The following RPRD1A variants were observed in gnomAD, a reference collection of about 807,000 sequenced individuals.
RPRD1A encodes regulation of nuclear pre-mRNA domain containing 1A.
RPRD1A carries 9 observed loss-of-function variants against 37.8 expected under a neutral mutation model. The ratio of observed to expected loss-of-function variants is 0.24; its 90% CI spans 0.14 to 0.42. The LOEUF (loss-of-function observed/expected upper bound fraction) is 0.42, where lower values mean the gene tolerates loss of function less well. RPRD1A is among the 10% of genes least tolerant of loss of function. The pLI is 1.00. For synonymous variants in RPRD1A, 138 were observed against 139.7 expected (o/e 0.99, Z 0.08); for missense variants, 255 against 371.0 (o/e 0.69, Z 2.57).
At chr18:36,012,114 C>T (rs970183089) in intron 6 of RPRD1A, among the ~76,000 whole-genome samples, 16 of 152,030 alleles carry the variant, frequency 1.1e-4, no homozygotes, top group Admixed American at 4.6e-4. Flanking sequence ...ACATTTTGGC[C>T]AACAATGGAC....
chr18:36,060,029 G>A (rs2088874078), intron 1 of RPRD1A, among the ~76,000 whole-genome samples: 1 of 152,146 alleles, frequency 6.6e-6, no homozygotes, highest in South Asian at 2.1e-4. Context: ...CTCTGAAAGA[G>A]AAACAAGTAA....
intron 6 of RPRD1A, among the ~76,000 whole-genome samples, chr18:36,009,108 T>G (rs1017487246): frequency 2.0e-5 from 3 of 152,146 alleles, no homozygotes; most frequent in Non-Finnish European, 4.4e-5. Context: ...CTTTGAGCTT[T>G]CTTTCTTATG....
chr18:36,005,856 CT>C (rs1413098189), intron 6 of RPRD1A, among the ~76,000 whole-genome samples: 1 of 151,818 alleles, frequency 6.6e-6, no homozygotes, highest in South Asian at 2.1e-4. Context: ...GTGTTTTTTT[CT>C]TTTTTTTACA....
At chr18:36,002,782 T>C (rs1909506206) in intron 6 of RPRD1A, among the ~76,000 whole-genome samples, 1 of 152,256 alleles carries the variant, frequency 6.6e-6, no homozygotes. Context: ...TGTAATTTCT[T>C]ATTGAAACCC....
Position 36,019,438 on chromosome 18 carries a change from G to C in RPRD1A, c.789+7462C>G, listed in dbSNP as rs575804250. Among the ~76,000 whole-genome samples, 3 of 152,130 alleles carry C rather than the reference G, an allele frequency of 2.0e-5. No individual in the cohort carries two copies. In the South Asian group the frequency reaches 6.2e-4, roughly 32 times the overall value. On this transcript the variant is annotated intron_variant, in intron 6 of 6. Coordinates refer to ENST00000399022, the MANE Select transcript of RPRD1A (RefSeq NM_018170.5). ...TGAGTTTCTAAAGAGGAGTGTGATG[G>C]GATCTGATTTCTTAAAAGATCCATA...
intron 4 of RPRD1A, among the ~76,000 whole-genome samples, chr18:36,030,475 T>C (rs1322504271): frequency 6.6e-6 from 1 of 151,348 alleles, no homozygotes; most frequent in African/African-American, 2.4e-5. Context: ...AGAGTGAAAC[T>C]CCGTCTCAAA....
intron 1 of RPRD1A, among the ~76,000 whole-genome samples, chr18:36,061,598 AT>A (rs1190481135): frequency 6.6e-6 from 1 of 152,262 alleles, no homozygotes; most frequent in Non-Finnish European, 1.5e-5. Flanking sequence ...AGAAATGAAT[AT>A]AAATTAATGA....
At chr18:36,047,632 T>C (rs1230034653) in intron 1 of RPRD1A, among the ~76,000 whole-genome samples, 1 of 151,998 alleles carries the variant, frequency 6.6e-6, no homozygotes, top group Non-Finnish European at 1.5e-5. Context: ...ATATCAGGAA[T>C]AAAACAGGAT....
In RPRD1A at chr18:36,033,389, C is replaced by T. The variant is rs1911953707; in HGVS notation, c.281+319G>A. Among the ~76,000 whole-genome samples the T allele has an allele frequency of 2.7e-5, 4 of 147,116 alleles. No individual in the cohort carries two copies. In the South Asian group the frequency reaches 8.7e-4, roughly 32 times the overall value. Reference sequence around the variant, plus strand: ...TACAAGACTGATAGCTTTATAAACACACAAATTTTTACTTCAATACCTTCA... The same window carrying T: ...TACAAGACTGATAGCTTTATAAACATACAAATTTTTACTTCAATACCTTCA... On this transcript the variant is annotated intron_variant, in intron 2 of 6. Transcript: ENST00000399022.
At chr18:36,059,996 T>C (rs1327024065) in intron 1 of RPRD1A, among the ~76,000 whole-genome samples, 1 of 152,208 alleles carries the variant, frequency 6.6e-6, no homozygotes, top group African/African-American at 2.4e-5. Flanking sequence ...GCTAGCATTG[T>C]CTACTTACTT....
At chr18:36,063,736 A>C (rs763937883) in intron 1 of RPRD1A, among the ~76,000 whole-genome samples, 38 of 152,338 alleles carry the variant, frequency 2.5e-4, no homozygotes, top group Non-Finnish European at 4.6e-4. Context: ...AGAATCCTGA[A>C]GTTGATGAGC....
At chr18:36,049,585 T>G (rs1913221974) in intron 1 of RPRD1A, among the ~76,000 whole-genome samples, 1 of 152,244 alleles carries the variant, frequency 6.6e-6, no homozygotes, top group Non-Finnish European at 1.5e-5. Flanking sequence ...TGTGACTAGT[T>G]TAATTCACTT....
intron 1 of RPRD1A, among the ~76,000 whole-genome samples, chr18:36,035,315 C>CGG (rs1568136469): frequency 6.6e-6 from 1 of 152,022 alleles, no homozygotes; most frequent in Non-Finnish European, 1.5e-5. Context: ...CCTGAACAAA[C>CGG]AATCCTTTCA....
At chr18:36,007,301 T>A (rs1909803830) in intron 6 of RPRD1A, among the ~76,000 whole-genome samples, 2 of 152,180 alleles carry the variant, frequency 1.3e-5, no homozygotes, top group African/African-American at 4.8e-5. Context: ...GGCGTTACAG[T>A]CAGAATTTCA....
At chr18:36,010,305 TA>T (rs201801218) in intron 6 of RPRD1A, among the ~76,000 whole-genome samples, 1 of 150,672 alleles carries the variant, frequency 6.6e-6, no homozygotes, top group Non-Finnish European at 1.5e-5. Context: ...CTTGTCTCTA[TA>T]AAAAAAATAA....
chr18:36,039,190 A>C (rs969587086), intron 1 of RPRD1A, among the ~76,000 whole-genome samples: 1 of 152,126 alleles, frequency 6.6e-6, no homozygotes, highest in Non-Finnish European at 1.5e-5. Context: ...TAATCTCCAC[A>C]TGTCAGGGGA....
intron 6 of RPRD1A, among the ~76,000 whole-genome samples, chr18:36,011,513 A>G (rs1166392843): frequency 2.0e-5 from 3 of 152,154 alleles, no homozygotes; most frequent in African/African-American, 4.8e-5. Flanking sequence ...CAGAGCCAAA[A>G]TAAGAAATGA....
intron 2 of RPRD1A, among the ~76,000 whole-genome samples, chr18:36,031,309 T>C (rs1210005128): frequency 6.6e-6 from 1 of 152,020 alleles, no homozygotes; most frequent in Admixed American, 6.6e-5. Context: ...TTTATAAACA[T>C]ATTATTACAC....
At position 35,996,435 on chromosome 18, in the gene RPRD1A, T is replaced by C. The variant is rs149511317; in HGVS notation, c.790-3135A>G. ...TAAAAACTGAAGATAACACGCTGGT[T>C]TCCCTTCAGGTAATATAAATCTTTC... On this transcript the variant is annotated intron_variant, in intron 6 of 6. Transcript: ENST00000399022. Among the ~76,000 whole-genome samples, 66 of 152,318 alleles carry C rather than the reference T, an allele frequency of 4.3e-4. No homozygotes were observed. The East Asian group carries it at 0.011, about 25-fold the overall frequency.
Sources: gnomAD v4.1 joint callset for allele counts (sites outside exome capture counted in the v4.1 genomes callset) on GRCh38, gnomAD v4.1.1 for gene constraint, MANE v1.5 for transcripts, NCBI Gene and HGNC (gene_info 2026-07-23, HGNC 2026-07-21) for gene names.